Variants in KDM6A observed in about 807,000 individuals in gnomAD.
KDM6A encodes the protein lysine demethylase 6A.
In KDM6A, 11 loss-of-function variants were observed where a neutral mutation model predicts 117.6. That is an observed-to-expected ratio of 0.09 (90% CI 0.06 to 0.15). KDM6A has a LOEUF of 0.15. Ranked by LOEUF, KDM6A falls within the 10% of genes least tolerant of loss-of-function variation. The pLI is 1.00. For synonymous variants in KDM6A, 384 were observed against 396.1 expected (o/e 0.97, Z 0.36); for missense variants, 799 against 1,077.3 (o/e 0.74, Z 3.62).
chrX:44,992,847 AC>A (rs2040688277), intron 4 of KDM6A, among the ~76,000 whole-genome samples: 1 of 110,807 alleles, frequency 9.0e-6, no homozygotes, highest in South Asian at 3.8e-4. Context: ...TGCCCGGCCT[AC>A]CCTTTTTGTT....
In KDM6A at chrX:45,051,573, A is replaced by G. The variant is rs916229020; in HGVS notation, c.655-136A>G. On this transcript the variant is annotated intron_variant, in intron 8 of 29. Transcript: ENST00000611820. ...CTGTCTGATGTTAAAGAAACATTCA[A>G]TAATGGAATCAGCACTTTTTTCTTT... 1.4e-5 allele frequency: 6 copies of G among 437,738 alleles called. No individual in the cohort carries two copies. The Admixed American group carries it at 1.6e-4, about 12-fold the overall frequency. 36.1% of individuals were successfully genotyped at this position (437,738 alleles called of 1,213,427 possible).
In KDM6A at chrX:45,083,477, A is replaced by T. The variant is rs774818265; in HGVS notation, c.3458A>T (p.His1153Leu). 5 of 1,210,104 alleles carry T rather than the reference A, an allele frequency of 4.1e-6. No homozygotes were observed. Among genetic ancestry groups the T allele is most frequent in the Non-Finnish European group, 4.5e-6 (4 of 894,149 alleles). ...TATTGCAGGTGGAAGTTGCAGCTAC[A>T]TGAGCTGACTAAACTTCCTGCTTTT... ...SDDKKWKLQL[H>L]ELTKLPAFVR... The change falls in exon 24 of 30, where the codon CAT becomes CTT. Residue 1153 changes from histidine (H) to leucine (L), a missense_variant. By Grantham distance (99) the His-to-Leu change is moderately conservative. Around this residue, in one of 8 missense-constraint regions of KDM6A, gnomAD observed 291 missense variants for 437.9 expected, o/e 0.66. Transcript: ENST00000611820.
intron 4 of KDM6A, among the ~76,000 whole-genome samples, chrX:44,977,068 A>G (rs1335589380): frequency 9.0e-6 from 1 of 111,451 alleles, no homozygotes; most frequent in Non-Finnish European, 1.9e-5. Flanking sequence ...AAACTTTGAT[A>G]AAGTCCAGTT....
rs1376741421 is a variant in KDM6A, at chrX:45,089,994, C to G, written c.3892+64C>G. ...AAGGATTATATCCAATAGGACTGTT[C>G]CTTTTTTCTTGAAATATAACTCACT... is the stretch of plus-strand genomic sequence containing the variant. On this transcript the variant is annotated intron_variant, in intron 26 of 29. Coordinates refer to ENST00000611820, the MANE Select transcript of KDM6A (RefSeq NM_001291415.2). 8.6e-6 allele frequency: 8 copies of G among 930,873 alleles called. 1 individual carries two copies. The Middle Eastern group carries it at 1.8e-3, about 212-fold the overall frequency. 76.7% of individuals were successfully genotyped at this position (930,873 alleles called of 1,213,427 possible). A position where few individuals can be genotyped will look rare whatever the true frequency, so the allele number is the denominator to read the frequency against.
Position 45,059,273 on chromosome X carries a change from C to T in KDM6A, c.1001C>T (p.Pro334Leu), listed in dbSNP as rs2044209196. The change falls in exon 12 of 30, where the codon CCC (proline) becomes CTC (leucine). Residue 334 changes from proline to leucine, a missense_variant. Physicochemically the swap from Pro to Leu is moderately conservative, Grantham distance 98 (BLOSUM62 -3). Around this residue, in one of 8 missense-constraint regions of KDM6A, gnomAD observed 10 missense variants for 47.7 expected, o/e 0.21. Transcript: ENST00000611820. ...GTGCTATATCAGCAGCAAAATCAGC[C>T]CATGGATGCTTTACAGGCCTATATT... Reference protein sequence around the residue: ...IGVLYQQQNQPMDALQAYICA... With the variant: ...IGVLYQQQNQLMDALQAYICA... The T allele has an allele frequency of 8.3e-7, 1 of 1,210,789 alleles. No homozygotes were observed. The highest frequency in any genetic ancestry group is 1.1e-6 in the Non-Finnish European group (1 of 895,117).
intron 4 of KDM6A, among the ~76,000 whole-genome samples, chrX:44,975,395 C>T (rs1048095475): frequency 2.1e-4 from 23 of 109,719 alleles, no homozygotes; most frequent in African/African-American, 7.7e-4. Flanking sequence ...GAAGTAGGTA[C>T]TTATTCCAGT....
At chrX:44,879,192 C>T in intron 2 of KDM6A, among the ~76,000 whole-genome samples, 1 of 111,944 alleles carries the variant, frequency 8.9e-6, no homozygotes, top group Admixed American at 9.5e-5. Flanking sequence ...TTACATAGTA[C>T]CAATATTCTG....
intron 18 of KDM6A, 82 bp downstream of exon 18, chrX:45,070,439 T>TA (rs1287958365): frequency 4.5e-6 from 4 of 888,597 alleles, no homozygotes. Flanking sequence ...CCGTTTAAGA[T>TA]ATGGGAAGTA....
In KDM6A at chrX:45,053,967, C is replaced by A; in HGVS notation, c.875+12C>A. 8.3e-7 allele frequency: 1 copy of A among 1,203,757 alleles called. No individual in the cohort carries two copies. The highest frequency in any genetic ancestry group is 1.8e-5 in the South Asian group (1 of 56,752). On this transcript the variant is annotated intron_variant, in intron 10 of 29. Coordinates refer to ENST00000611820, the MANE Select transcript of KDM6A (RefSeq NM_001291415.2). ...TATTTCCTCGGAAGGTGAGACTTACCAGACATTTATGTTTGATTTTGTCTA... is the reference window on the plus strand; with the variant it reads ...TATTTCCTCGGAAGGTGAGACTTACAAGACATTTATGTTTGATTTTGTCTA...
At chrX:44,890,457 T>G (rs2040296644) in intron 2 of KDM6A, among the ~76,000 whole-genome samples, 1 of 110,792 alleles carries the variant, frequency 9.0e-6, no homozygotes, top group African/African-American at 3.3e-5. Context: ...ATAAAAACCA[T>G]CAAACTGTTT....
At chrX:45,011,760 G>GTTTA (rs1234906799) in intron 5 of KDM6A, among the ~76,000 whole-genome samples, 45 of 110,482 alleles carry the variant, frequency 4.1e-4, no homozygotes, top group South Asian at 7.6e-4. Context: ...TCTTTAGTTT[G>GTTTA]TTTATTTATT....
At chrX:44,967,123 G>A (rs1170514894) in intron 3 of KDM6A, among the ~76,000 whole-genome samples, 5 of 111,081 alleles carry the variant, frequency 4.5e-5, no homozygotes, top group Admixed American at 3.8e-4. Context: ...GCCTGCTTTG[G>A]CCTCCCAAAG....
In KDM6A at chrX:44,951,426, T is replaced by C. The variant is rs751939265; in HGVS notation, c.226-9858T>C. Among the ~76,000 whole-genome samples the C allele has an allele frequency of 8.9e-5, 10 of 111,759 alleles. 1 individual carries two copies. The highest frequency in any genetic ancestry group is 1.9e-4 in the Admixed American group (2 of 10,467). On this transcript the variant is annotated intron_variant, in intron 2 of 29. Transcript: ENST00000611820. ...GTGTATTATTTTATACATATACATA[T>C]GTATATATGTAGTAGTGTTTTATTT...
intron 4 of KDM6A, among the ~76,000 whole-genome samples, chrX:44,995,798 C>T (rs974134856): frequency 9.0e-6 from 1 of 111,632 alleles, no homozygotes; most frequent in Non-Finnish European, 1.9e-5. Context: ...ATCCTTTGTG[C>T]TTTAATTATA....
intron 28 of KDM6A, among the ~76,000 whole-genome samples, chrX:45,108,481 C>T (rs2046614485): frequency 9.0e-6 from 1 of 111,425 alleles, no homozygotes; most frequent in Non-Finnish European, 1.9e-5. Flanking sequence ...TTGGAAAGGA[C>T]AGCGATATAT....
chrX:44,915,752 CTGAGT>C (rs888907633), intron 2 of KDM6A, among the ~76,000 whole-genome samples: 14 of 111,501 alleles, frequency 1.3e-4, no homozygotes, highest in East Asian at 2.8e-4. Context: ...TAGTAGCCGT[CTGAGT>C]TATCAGATTG....
chrX:44,985,408 T>A (rs770724289), intron 4 of KDM6A, among the ~76,000 whole-genome samples: 1 of 111,566 alleles, frequency 9.0e-6, no homozygotes, highest in South Asian at 3.8e-4. Context: ...TATTTCCTTC[T>A]CCTGCCTGAT....
rs1281700540 is a variant in KDM6A, at chrX:44,873,677, A to G, written c.126A>G (p.Thr42=). 4.2e-6 allele frequency: 5 copies of G among 1,179,668 alleles called. No homozygotes were observed. In the East Asian group the frequency reaches 1.6e-4, roughly 37 times the overall value. The change falls in exon 1 of 30, where the codon ACA becomes ACG. Residue 42 remains threonine, a synonymous_variant. Coordinates refer to ENST00000611820, the MANE Select transcript of KDM6A (RefSeq NM_001291415.2). ...GCGAGGAGGCGTCCCCCAGCCTGAC[A>G]GCCGAGGAGAGGGAGGCGCTCGGCG... The part of the protein sequence containing the change: ...GESEEASPSL[T]AEEREALGGL...
chrX:45,082,479 C>G (rs1184149549), intron 21 of KDM6A, 97 bp from the exon 22 acceptor site: 1 of 563,723 alleles, frequency 1.8e-6, no homozygotes, highest in Non-Finnish European at 3.0e-6. Context: ...ACAAATAATA[C>G]TATTCAATCT....
Sources: allele counts gnomAD v4.1 joint callset (sites outside exome capture counted in the v4.1 genomes callset), GRCh38; gene constraint gnomAD v4.1.1; regional missense constraint gnomAD v4.1.1; transcripts MANE v1.5; gene names NCBI Gene and HGNC (gene_info 2026-07-23, HGNC 2026-07-21).